The following CDK6 variants were observed in gnomAD, a reference collection of about 807,000 sequenced individuals.
The protein encoded by CDK6 is cyclin dependent kinase 6.
A neutral mutation model predicts 37.1 loss-of-function variants in CDK6; 6 were observed. That is an observed-to-expected ratio of 0.16 (90% CI 0.09 to 0.32). CDK6 has a LOEUF of 0.32. CDK6 is among the 10% of genes least tolerant of loss of function. CDK6 has a pLI of 1.00. For missense variants in CDK6, 224 were observed against 418.9 expected, an observed-to-expected ratio of 0.53 and a Z score of 4.06; for synonymous variants, 160 against 161.3, an observed-to-expected ratio of 0.99 and a Z score of 0.06.
intron 3 of CDK6, among the ~76,000 whole-genome samples, chr7:92,751,575 C>A (rs550547109): frequency 6.6e-6 from 1 of 152,110 alleles, no homozygotes; most frequent in Admixed American, 6.6e-5. Flanking sequence ...TTATCACATA[C>A]GCAGTTTTAT....
At chr7:92,769,937 C>T (rs1041508295) in intron 3 of CDK6, among the ~76,000 whole-genome samples, 9 of 151,836 alleles carry the variant, frequency 5.9e-5, no homozygotes, top group African/African-American at 2.2e-4. Context: ...GAATTTATCA[C>T]GTACTCTAAA....
At chr7:92,708,257 G>C (rs1798009817) in intron 4 of CDK6, among the ~76,000 whole-genome samples, 1 of 152,136 alleles carries the variant, frequency 6.6e-6, no homozygotes, top group Non-Finnish European at 1.5e-5. Flanking sequence ...GATAAACCAA[G>C]ACCACACAAA....
At chr7:92,774,287 T>C (rs1799788929) in intron 3 of CDK6, among the ~76,000 whole-genome samples, 1 of 152,186 alleles carries the variant, frequency 6.6e-6, no homozygotes. Flanking sequence ...TATTATACAA[T>C]CATAATATAC....
intron 3 of CDK6, among the ~76,000 whole-genome samples, chr7:92,759,057 A>G (rs959959288): frequency 1.4e-4 from 21 of 152,136 alleles, no homozygotes; most frequent in African/African-American, 4.1e-4. Flanking sequence ...CCAACTATCC[A>G]TGTTCTATTT....
intron 3 of CDK6, among the ~76,000 whole-genome samples, chr7:92,752,147 A>G (rs575286265): frequency 6.6e-6 from 1 of 152,180 alleles, no homozygotes; most frequent in Non-Finnish European, 1.5e-5. Flanking sequence ...AAATAAGGAC[A>G]GTGCTGCTTC....
intron 4 of CDK6, among the ~76,000 whole-genome samples, chr7:92,684,373 AGTT>A (rs1797403276): frequency 6.6e-6 from 1 of 152,222 alleles, no homozygotes. Context: ...AAACAAAAGA[AGTT>A]GTTTTTCTAA....
At chr7:92,765,257 A>G (rs929542558) in intron 3 of CDK6, among the ~76,000 whole-genome samples, 6 of 152,190 alleles carry the variant, frequency 3.9e-5, no homozygotes, top group African/African-American at 1.4e-4. Context: ...TTAGTTCTCC[A>G]TCCTTGGTAT....
chr7:92,703,497 A>G (rs1029407985), intron 4 of CDK6, among the ~76,000 whole-genome samples: 4 of 152,262 alleles, frequency 2.6e-5, no homozygotes, highest in South Asian at 2.1e-4. Flanking sequence ...GACCTCATTA[A>G]TCATTATAAT....
rs1192311632 is a variant in CDK6, at chr7:92,615,297, G to T, written c.835-11C>A. 2 of 1,602,918 alleles carry T rather than the reference G, an allele frequency of 1.2e-6. No individual in the cohort carries two copies. The highest frequency in any genetic ancestry group is 1.7e-6 in the Non-Finnish European group (2 of 1,172,112). On this transcript the variant is annotated splice_polypyrimidine_tract_variant and intron_variant, in intron 7 of 7. Transcript: ENST00000424848. ...AAATGTCAAACACTTCTGTAATAAA[G>T]AAAAAAATAATTGGTTGATATACAA...
intron 2 of CDK6, among the ~76,000 whole-genome samples, chr7:92,797,742 C>G (rs533635298): frequency 6.6e-6 from 1 of 152,184 alleles, no homozygotes; most frequent in Non-Finnish European, 1.5e-5. Context: ...ACTCTTTGGG[C>G]AGCACAGATG....
chr7:92,684,293 A>G (rs963030805), intron 4 of CDK6, among the ~76,000 whole-genome samples: 1 of 152,206 alleles, frequency 6.6e-6, no homozygotes, highest in African/African-American at 2.4e-5. Flanking sequence ...CCTAATTACA[A>G]TAAAAAAGTT....
At chr7:92,773,031 T>A (rs1326215041) in intron 3 of CDK6, among the ~76,000 whole-genome samples, 7 of 152,208 alleles carry the variant, frequency 4.6e-5, no homozygotes, top group Non-Finnish European at 1.0e-4. Context: ...AGTCTATGTT[T>A]AAAGCCTTTG....
intron 4 of CDK6, among the ~76,000 whole-genome samples, chr7:92,671,762 AG>A (rs1267257089): frequency 6.6e-6 from 1 of 152,230 alleles, no homozygotes; most frequent in Admixed American, 6.5e-5. Context: ...ATGTCTAACT[AG>A]GATGGCATAA....
At chr7:92,672,158 T>TATATATAC (rs1254710727) in intron 4 of CDK6, among the ~76,000 whole-genome samples, 1 of 102,734 alleles carries the variant, frequency 9.7e-6, no homozygotes, top group Non-Finnish European at 1.8e-5. Flanking sequence ...TATATATATA[T>TATATATAC]ATACACATAC....
intron 2 of CDK6, among the ~76,000 whole-genome samples, chr7:92,824,663 G>C (rs561721199): frequency 1.3e-5 from 2 of 152,260 alleles, no homozygotes; most frequent in South Asian, 4.1e-4. Context: ...GAGGTGGAAT[G>C]AAAGTGCTAC....
At chr7:92,685,901 A>G (rs1216034982) in intron 4 of CDK6, among the ~76,000 whole-genome samples, 1 of 152,194 alleles carries the variant, frequency 6.6e-6, no homozygotes, top group African/African-American at 2.4e-5. Context: ...GAAATGACCA[A>G]GCTGCTTTCC....
At chr7:92,740,204 A>C (rs1315094586) in intron 3 of CDK6, among the ~76,000 whole-genome samples, 8 of 152,176 alleles carry the variant, frequency 5.3e-5, no homozygotes, top group African/African-American at 1.9e-4. Context: ...AGCTGTTCCT[A>C]CATCCCTGTT....
chr7:92,618,300 A>G (rs1322223248), intron 6 of CDK6, 93 bp from the exon 7 acceptor site: 3 of 1,310,174 alleles, frequency 2.3e-6, no homozygotes, highest in Non-Finnish European at 1.1e-6. Flanking sequence ...TCTAAGGGGG[A>G]GACATGGGGG....
chr7:92,720,907 C>T (rs944672142), intron 4 of CDK6, among the ~76,000 whole-genome samples: 1 of 152,174 alleles, frequency 6.6e-6, no homozygotes, highest in Non-Finnish European at 1.5e-5. Context: ...TTGCCAGAGA[C>T]ATTATATAAC....
Sources: allele counts gnomAD v4.1 joint callset (sites outside exome capture counted in the v4.1 genomes callset), GRCh38; gene constraint gnomAD v4.1.1; transcripts MANE v1.5; gene names NCBI Gene and HGNC (gene_info 2026-07-23, HGNC 2026-07-21).